Variants in DIP2C observed in about 807,000 individuals in gnomAD.
DIP2C encodes the protein disco-interacting protein 2 homolog C.
Under a neutral mutation model 192.4 loss-of-function variants are expected in DIP2C, and 33 were observed. That is an observed-to-expected ratio of 0.17 (90% CI 0.13 to 0.23). DIP2C has a LOEUF of 0.23. Ranked by LOEUF, DIP2C falls within the 10% of genes least tolerant of loss-of-function variation. DIP2C has a pLI of 1.00. For synonymous variants in DIP2C, 979 were observed against 864.1 expected (o/e 1.13, Z -2.33); for missense variants, 1,537 against 2,110.1 (o/e 0.73, Z 5.32).
rs751717157 is a variant in DIP2C at position 286,252 on chromosome 10, C to T, written c.4119+21G>A. 6.8e-6 allele frequency: 11 copies of T among 1,613,072 alleles called. No individual in the cohort carries two copies. In the Admixed American group the frequency reaches 1.0e-4, roughly 15 times the overall value. On this transcript the variant is annotated intron_variant, in intron 34 of 36. Transcript: ENST00000280886. ...TACATAACAGAAAAGTAACCTGGATCTCGGAGGACACTCAACTCACCTCTC... is the reference window on the plus strand; with the variant it reads ...TACATAACAGAAAAGTAACCTGGATTTCGGAGGACACTCAACTCACCTCTC...
intron 7 of DIP2C, among the ~76,000 whole-genome samples, chr10:415,262 G>T (rs1564681078): frequency 6.6e-6 from 1 of 152,058 alleles, no homozygotes; most frequent in Non-Finnish European, 1.5e-5. Flanking sequence ...TAACACATAA[G>T]ATACTAAGGA....
chr10:482,488 G>A (rs936659077), intron 2 of DIP2C, among the ~76,000 whole-genome samples: 1 of 152,174 alleles, frequency 6.6e-6, no homozygotes, highest in Non-Finnish European at 1.5e-5. Context: ...GTGCCGCACA[G>A]ACAAACCCCC....
At chr10:486,320 C>G (rs756008698) in intron 2 of DIP2C, 139 bp downstream of exon 2, 1 of 704,630 alleles carries the variant, frequency 1.4e-6, no homozygotes, top group Non-Finnish European at 2.4e-6. Context: ...CTCAAAGGAA[C>G]TGAATGCCTG....
At chr10:570,537 T>A (rs1192203405) in intron 1 of DIP2C, among the ~76,000 whole-genome samples, 1 of 152,152 alleles carries the variant, frequency 6.6e-6, no homozygotes, top group Non-Finnish European at 1.5e-5. Context: ...CGCTCTTCCA[T>A]CCAGCCAGAC....
chr10:435,146 T>C (rs759469419), intron 4 of DIP2C, among the ~76,000 whole-genome samples: 7 of 152,192 alleles, frequency 4.6e-5, no homozygotes, highest in Non-Finnish European at 7.3e-5. Flanking sequence ...CGTCCCATAG[T>C]GCTTGGATAC....
chr10:379,290 T>C (rs1962098299), intron 17 of DIP2C, among the ~76,000 whole-genome samples: 1 of 146,006 alleles, frequency 6.8e-6, no homozygotes, highest in East Asian at 2.2e-4. Flanking sequence ...GGGCTGCTGC[T>C]GCTCCCGGAA....
chr10:299,101 T>C (rs924424123), intron 32 of DIP2C, among the ~76,000 whole-genome samples: 1 of 152,324 alleles, frequency 6.6e-6, no homozygotes. Flanking sequence ...TAATATTATG[T>C]TCCATCTGCT....
intron 1 of DIP2C, among the ~76,000 whole-genome samples, chr10:564,158 T>C (rs999840288): frequency 1.3e-5 from 2 of 152,174 alleles, no homozygotes; most frequent in East Asian, 1.9e-4. Context: ...ATAAAGTGTC[T>C]GAGTCCATGG....
chr10:578,720 C>T (rs1850350075), intron 1 of DIP2C, among the ~76,000 whole-genome samples: 1 of 152,034 alleles, frequency 6.6e-6, no homozygotes. Context: ...ACTATATGTA[C>T]ATAGGTACAG....
chr10:303,308 G>A (rs1276572887), intron 32 of DIP2C, among the ~76,000 whole-genome samples: 2 of 152,160 alleles, frequency 1.3e-5, no homozygotes, highest in African/African-American at 2.4e-5. Context: ...CACCGCACGT[G>A]GCTGTAGATT....
rs1418022565 is a variant in DIP2C at position 384,562 on chromosome 10, C to T, written c.1740G>A (p.Lys580=). The change falls in exon 15 of 37, where the codon AAG becomes AAA. Residue 580 remains lysine, a synonymous_variant. Transcript: ENST00000280886. ...GAGACCCACCTTTGTACTGGCAGAC[C>T]TTCTGGATCCAGGAGAGAGGGTTCA... ...MKVNPLSWIQ[K]VCQYKAKVAC... 1.2e-6 allele frequency: 2 copies of T among 1,613,764 alleles called. No homozygotes were observed. The highest frequency in any genetic ancestry group is 8.5e-7 in the Non-Finnish European group (1 of 1,180,024).
chr10:567,147 C>T lies in DIP2C; in HGVS notation c.86-80617G>A, dbSNP rs139085893. Among the ~76,000 whole-genome samples the T allele has an allele frequency of 4.5e-3, 682 of 152,268 alleles. 13 individuals are homozygous for T. The highest frequency in any genetic ancestry group is 0.014 in the African/African-American group (600 of 41,544). ...CAGAGCTGCCAAATCAAATCCAACT[C>T]CGGCGGAAGGAGGACAGGCACCGGT... On this transcript the variant is annotated intron_variant, in intron 1 of 36. Transcript: ENST00000280886.
chr10:314,854 A>C (rs1424977246), intron 31 of DIP2C, among the ~76,000 whole-genome samples: 1 of 152,134 alleles, frequency 6.6e-6, no homozygotes, highest in Non-Finnish European at 1.5e-5. Context: ...CATGTCTTAT[A>C]CTACTGCATT....
intron 1 of DIP2C, among the ~76,000 whole-genome samples, chr10:580,891 C>T (rs1201606385): frequency 1.3e-5 from 2 of 152,274 alleles, no homozygotes; most frequent in African/African-American, 4.8e-5. Context: ...TAACATAGTA[C>T]ACGTCAGGAC....
intron 29 of DIP2C, among the ~76,000 whole-genome samples, chr10:335,227 A>C (rs1455643484): frequency 1.3e-5 from 2 of 152,238 alleles, no homozygotes; most frequent in Non-Finnish European, 2.9e-5. Context: ...CTTAACTTTC[A>C]AACAATCACA....
chr10:569,677 T>G (rs918264294), intron 1 of DIP2C, among the ~76,000 whole-genome samples: 2 of 152,138 alleles, frequency 1.3e-5, no homozygotes, highest in African/African-American at 4.8e-5. Context: ...TGCTGCAAAA[T>G]AAAATGGAGA....
intron 3 of DIP2C, among the ~76,000 whole-genome samples, chr10:470,411 G>A (rs1409954817): frequency 6.6e-6 from 1 of 152,164 alleles, no homozygotes; most frequent in African/African-American, 2.4e-5. Flanking sequence ...GCCACTCTCA[G>A]CCACCCCCTC....
intron 1 of DIP2C, among the ~76,000 whole-genome samples, chr10:674,690 A>C (rs969961255): frequency 6.6e-6 from 1 of 150,816 alleles, no homozygotes; most frequent in Non-Finnish European, 1.5e-5. Context: ...AATCACTTGA[A>C]CTTGGGAGGT....
intron 1 of DIP2C, among the ~76,000 whole-genome samples, chr10:565,124 G>A (rs1464166411): frequency 1.3e-5 from 2 of 152,098 alleles, no homozygotes; most frequent in Non-Finnish European, 2.9e-5. Flanking sequence ...AGCTTTCCAT[G>A]GAGCCTGGAC....
Sources: allele counts gnomAD v4.1 joint callset (sites outside exome capture counted in the v4.1 genomes callset), GRCh38; gene constraint gnomAD v4.1.1; transcripts MANE v1.5; gene names NCBI Gene and HGNC (gene_info 2026-07-23, HGNC 2026-07-21).